The following NARS2 variants were observed in gnomAD, a reference collection of about 807,000 sequenced individuals.
The protein encoded by NARS2 is asparaginyl-tRNA synthetase.
NARS2 carries 60 observed loss-of-function variants against 62.9 expected under a neutral mutation model. That is an observed-to-expected ratio of 0.95 (90% CI 0.77 to 1.18). The LOEUF is 1.18. NARS2 is among the 50% of genes most tolerant of loss of function. NARS2 has a pLI of 0.00. For synonymous variants in NARS2, 196 were observed against 200.0 expected, an observed-to-expected ratio of 0.98 and a Z score of 0.17; for missense variants, 619 against 576.4, an observed-to-expected ratio of 1.07 and a Z score of -0.76.
chr11:78,566,699 C>G (rs1856757973), intron 3 of NARS2, among the ~76,000 whole-genome samples: 1 of 152,128 alleles, frequency 6.6e-6, no homozygotes, highest in Non-Finnish European at 1.5e-5. Context: ...ACCTATATGT[C>G]TTGAAAGCCC....
At chr11:78,438,782 T>C (rs1857488300) in intron 13 of NARS2, among the ~76,000 whole-genome samples, 1 of 152,216 alleles carries the variant, frequency 6.6e-6, no homozygotes, top group African/African-American at 2.4e-5. Context: ...GAGTAAATTC[T>C]TAGCCATCTG....
chr11:78,490,808 AT>A (rs1859787460), intron 7 of NARS2, among the ~76,000 whole-genome samples: 1 of 152,158 alleles, frequency 6.6e-6, no homozygotes, highest in African/African-American at 2.4e-5. Flanking sequence ...GAAATGACTA[AT>A]TTTAAACCCT....
intron 13 of NARS2, among the ~76,000 whole-genome samples, chr11:78,437,800 C>A (rs556107702): frequency 6.6e-6 from 1 of 151,868 alleles, no homozygotes; most frequent in South Asian, 2.1e-4. Flanking sequence ...AGTGGTGATA[C>A]CCCGTCTCTA....
intron 11 of NARS2, among the ~76,000 whole-genome samples, chr11:78,460,099 G>A (rs1858334774): frequency 6.6e-6 from 1 of 152,146 alleles, no homozygotes; most frequent in Non-Finnish European, 1.5e-5. Flanking sequence ...ACAGAAGAAG[G>A]GTGGTGATAG....
chr11:78,478,746 G>C, intron 7 of NARS2, 63 bp from the exon 8 acceptor site: 1 of 965,192 alleles, frequency 1.0e-6, no homozygotes, highest in East Asian at 2.7e-5. Context: ...ACCTGTTCAG[G>C]ACTCAATAAG....
intron 6 of NARS2, among the ~76,000 whole-genome samples, chr11:78,519,828 G>A (rs1028059198): frequency 2.0e-5 from 3 of 151,932 alleles, no homozygotes; most frequent in Non-Finnish European, 2.9e-5. Context: ...AGCTTCCCGA[G>A]TAGCTGGGAC....
In NARS2 at chr11:78,444,727, C is replaced by CAAAGAAAAAAAA. The variant is rs56788561; in HGVS notation, c.1165-970_1165-969insTTTTTTTTCTTT. ...GAGCAAGACTCTGTCTCAAACAAAA[C>CAAAGAAAAAAAA]AAAAAAAAAAAAAAGGGTGATAAGA... On this transcript the variant is annotated intron_variant, in intron 11 of 13. Transcript: ENST00000281038. Among the ~76,000 whole-genome samples, 594 of 92,316 alleles carry CAAAGAAAAAAAA rather than the reference C, an allele frequency of 6.4e-3. 10 individuals are homozygous for CAAAGAAAAAAAA. The highest frequency in any genetic ancestry group is 0.033 in the Middle Eastern group (6 of 184). 60.6% of individuals were successfully genotyped at this position (92,316 alleles called of 152,430 possible).
rs148728179 is a variant in NARS2 at position 78,563,995 on chromosome 11, G to A, written c.513+2137C>T. Among the ~76,000 whole-genome samples the A allele has an allele frequency of 6.5e-3, 966 of 148,408 alleles. 11 individuals carry two copies. Among genetic ancestry groups the A allele is most frequent in the African/African-American group, 0.023 (913 of 40,090 alleles). On this transcript the variant is annotated intron_variant, in intron 4 of 13. Transcript: ENST00000281038. Reference sequence around the variant, plus strand: ...CTACTCACTGCAACCTCCGCCTCCCGGGTTCAAGCAATTCTACCTCAGCCT... The same window carrying A: ...CTACTCACTGCAACCTCCGCCTCCCAGGTTCAAGCAATTCTACCTCAGCCT...
chr11:78,524,984 C>T (rs1861246545), intron 6 of NARS2, among the ~76,000 whole-genome samples: 3 of 152,068 alleles, frequency 2.0e-5, no homozygotes, highest in Admixed American at 2.0e-4. Context: ...GCTATCCAGC[C>T]ATGAAAAGTC....
At chr11:78,539,715 G>C (rs1350860260) in intron 5 of NARS2, among the ~76,000 whole-genome samples, 2 of 152,198 alleles carry the variant, frequency 1.3e-5, no homozygotes, top group Admixed American at 6.5e-5. Context: ...GATGATGATA[G>C]TGTTCCCTAG....
intron 5 of NARS2, among the ~76,000 whole-genome samples, chr11:78,554,525 G>GTGTGTGTGTGTT (rs954338812): frequency 1.3e-5 from 2 of 151,616 alleles, no homozygotes; most frequent in African/African-American, 4.9e-5. Flanking sequence ...GTGTGTGTGT[G>GTGTGTGTGTGTT]TGTGTCAACT....
intron 6 of NARS2, among the ~76,000 whole-genome samples, chr11:78,516,829 C>T (rs1860930020): frequency 6.6e-6 from 1 of 151,950 alleles, no homozygotes; most frequent in South Asian, 2.1e-4. Flanking sequence ...TTAATAGTTA[C>T]AAAATTAAAT....
intron 7 of NARS2, among the ~76,000 whole-genome samples, chr11:78,486,047 G>C (rs1859560239): frequency 6.6e-6 from 1 of 152,040 alleles, no homozygotes; most frequent in African/African-American, 2.4e-5. Flanking sequence ...GCTAATTTTT[G>C]TATTTTTAGT....
chr11:78,516,136 T>G (rs1358443320), intron 6 of NARS2, among the ~76,000 whole-genome samples: 1 of 152,238 alleles, frequency 6.6e-6, no homozygotes, highest in East Asian at 1.9e-4. Flanking sequence ...CAGTTTTCTA[T>G]CTTTGGATAA....
intron 6 of NARS2, among the ~76,000 whole-genome samples, chr11:78,504,444 T>G (rs969347290): frequency 2.6e-5 from 4 of 151,686 alleles, no homozygotes; most frequent in South Asian, 4.2e-4. Flanking sequence ...GTTTTTTTTT[T>G]TTTTTTTTTT....
At chr11:78,467,515 G>C (rs902005685) in intron 10 of NARS2, among the ~76,000 whole-genome samples, 12 of 151,820 alleles carry the variant, frequency 7.9e-5, no homozygotes, top group Non-Finnish European at 1.5e-5. Context: ...TCCAGCCTCG[G>C]CAACACAGAG....
intron 13 of NARS2, among the ~76,000 whole-genome samples, chr11:78,437,188 GTTTTC>G (rs1857435632): frequency 1.3e-5 from 2 of 152,112 alleles, no homozygotes; most frequent in Non-Finnish European, 1.5e-5. Context: ...TAATCACAAT[GTTTTC>G]TTTTCCTTCC....
chr11:78,557,474 T>C (rs757401569), intron 5 of NARS2, among the ~76,000 whole-genome samples: 1 of 152,184 alleles, frequency 6.6e-6, no homozygotes, highest in Admixed American at 6.5e-5. Flanking sequence ...CAAGTCTTTG[T>C]AGTCAAACTT....
intron 7 of NARS2, among the ~76,000 whole-genome samples, chr11:78,484,168 G>C (rs901075875): frequency 1.3e-5 from 2 of 152,116 alleles, no homozygotes; most frequent in Non-Finnish European, 2.9e-5. Flanking sequence ...AAATGGTACT[G>C]GGAAAACTGG....
Sources: allele counts gnomAD v4.1 joint callset (sites outside exome capture counted in the v4.1 genomes callset), GRCh38; gene constraint gnomAD v4.1.1; transcripts MANE v1.5; gene names NCBI Gene and HGNC (gene_info 2026-07-23, HGNC 2026-07-21).